CEP126: variants seen among roughly 807,000 people sequenced by gnomAD.
CEP126 encodes centrosomal protein of 126 kDa.
Under a neutral mutation model 107.8 loss-of-function variants are expected in CEP126, and 74 were observed. The observed-to-expected ratio is 0.69, with a 90% CI of 0.57 to 0.83. The LOEUF is 0.83. Among genes scored for constraint, CEP126 ranks in the 40% least tolerant of loss-of-function variants. CEP126 has a pLI of 0.00. For missense variants in CEP126, 1,237 were observed against 1,281.9 expected (o/e 0.96, Z 0.53); for synonymous variants, 449 against 446.0 (o/e 1.01, Z -0.08).
At chr11:101,946,072 A>G (rs1183699218) in intron 3 of CEP126, among the ~76,000 whole-genome samples, 2 of 152,162 alleles carry the variant, frequency 1.3e-5, no homozygotes, top group African/African-American at 4.8e-5. Context: ...AAGAGATGTT[A>G]AGCTCCTAAA....
chr11:101,955,849 G>C (rs758821327), intron 4 of CEP126: 32 of 455,976 alleles, frequency 7.0e-5, no homozygotes, highest in Middle Eastern at 6.5e-4. Flanking sequence ...CTGATCAACT[G>C]TCTCCTCCAC....
At position 101,920,153 on chromosome 11, in the gene CEP126, A is replaced by G. The variant is rs185532037; in HGVS notation, c.129-2488A>G. ...ATGAAGGTAAAATGAATTATGGCCTATGGTATAAAGATGGTTAAATAGCAA... is the reference window on the plus strand; with the variant it reads ...ATGAAGGTAAAATGAATTATGGCCTGTGGTATAAAGATGGTTAAATAGCAA... On this transcript the variant is annotated intron_variant, in intron 1 of 10. Transcript: ENST00000263468. Among the ~76,000 whole-genome samples, 5 of 152,200 alleles carry G rather than the reference A, an allele frequency of 3.3e-5. No individual in the cohort carries two copies. In the East Asian group the frequency reaches 5.8e-4, roughly 18 times the overall value.
intron 2 of CEP126, among the ~76,000 whole-genome samples, chr11:101,930,916 G>C (rs1216077197): frequency 6.6e-6 from 1 of 152,202 alleles, no homozygotes; most frequent in Admixed American, 6.5e-5. Flanking sequence ...ATGCACAGGA[G>C]TTTTAGTTGT....
At chr11:101,992,465 TTAA>T (rs1386927503) in intron 9 of CEP126, among the ~76,000 whole-genome samples, 2 of 151,966 alleles carry the variant, frequency 1.3e-5, no homozygotes, top group African/African-American at 4.8e-5. Flanking sequence ...AAGGATGAAA[TTAA>T]TATTTTTTTA....
chr11:101,951,114 G>C (rs1940806735), intron 4 of CEP126, among the ~76,000 whole-genome samples: 1 of 152,158 alleles, frequency 6.6e-6, no homozygotes, highest in Admixed American at 6.6e-5. Flanking sequence ...GAGAGGATGA[G>C]AGAGAAGAAA....
chr11:101,964,764 G>A (rs1329060906), intron 6 of CEP126, among the ~76,000 whole-genome samples: 13 of 152,098 alleles, frequency 8.5e-5, no homozygotes, highest in Admixed American at 6.5e-4. Flanking sequence ...GACTTTTCCT[G>A]TTAGTTTAAG....
At chr11:101,928,545 G>A (rs182574494) in intron 2 of CEP126, among the ~76,000 whole-genome samples, 1 of 152,136 alleles carries the variant, frequency 6.6e-6, no homozygotes, top group Non-Finnish European at 1.5e-5. Flanking sequence ...TTTCTATAAA[G>A]TATCAGATGT....
intron 4 of CEP126, among the ~76,000 whole-genome samples, chr11:101,951,102 G>C: frequency 6.6e-6 from 1 of 152,168 alleles, no homozygotes; most frequent in Admixed American, 6.6e-5. Context: ...GTTTTTAGTA[G>C]TGAGAGGATG....
intron 8 of CEP126, among the ~76,000 whole-genome samples, chr11:101,985,407 C>T (rs950087973): frequency 2.0e-5 from 3 of 151,928 alleles, no homozygotes; most frequent in African/African-American, 4.8e-5. Flanking sequence ...ATCAGCCTCC[C>T]AAGTAGCTGG....
In CEP126 at chr11:101,948,121, G is replaced by A. The variant is rs567302421; in HGVS notation, c.485G>A (p.Arg162His). The A allele has an allele frequency of 3.2e-5, 51 of 1,602,718 alleles. No individual in the cohort carries two copies. The highest frequency in any genetic ancestry group is 1.1e-4 in the African/African-American group (8 of 74,668). The change falls in exon 4 of 11, where the codon CGT (arginine) becomes CAT (histidine). Residue 162 changes from arginine to histidine, a missense_variant. Around this residue, in one of 3 missense-constraint regions of CEP126, gnomAD observed 1,134 missense variants for 1,150.5 expected, o/e 0.99. Transcript: ENST00000263468. ...LKSEVNLPFS[R>H]RPTINWRAID... is the part of the protein sequence containing the mutation. ...TCAGAAGTAAACCTTCCCTTTTCCC[G>A]TAGACCAACAATAAACTGGAGGTAA...
chr11:101,963,623 A>G lies in CEP126; in HGVS notation c.2588A>G (p.Asn863Ser). The G allele has an allele frequency of 6.2e-7, 1 of 1,614,126 alleles. No homozygotes were observed. Among genetic ancestry groups the G allele is most frequent in the East Asian group, 2.2e-5 (1 of 44,880 alleles). The part of the protein sequence containing the change: ...WNQESSSPLS[N>S]ACSDLVTVIP... ...CAGGAAAGTAGTTCTCCACTCTCAA[A>G]TGCTTGTTCTGACCTAGTCACTGTG... is the stretch of plus-strand genomic sequence containing the variant. Residue 863 changes from asparagine (N) to serine (S), a missense_variant, in exon 6 of 11, where the codon AAT becomes AGT. Asn to Ser is a conservative substitution (Grantham distance 46). This residue lies in a region of CEP126 where 1,134 missense variants were observed against 1,150.5 expected (regional missense o/e 0.99). Transcript: ENST00000263468.
chr11:101,962,605 G>C lies in CEP126; in HGVS notation c.1570G>C (p.Asp524His), dbSNP rs1294530719. 6.2e-7 allele frequency: 1 copy of C among 1,613,660 alleles called. No homozygotes were observed. Among genetic ancestry groups the C allele is most frequent in the Non-Finnish European group, 8.5e-7 (1 of 1,179,856 alleles). Reference protein sequence around the residue: ...ELPLFSDSFQDAYIPHNPDSK... With the variant: ...ELPLFSDSFQHAYIPHNPDSK... ...GCCTTTATTTTCAGACAGTTTTCAA[G>C]ATGCCTATATACCTCACAATCCTGA... The change falls in exon 6 of 11, where the codon GAT (aspartate) becomes CAT (histidine). Residue 524 changes from aspartate to histidine, a missense_variant. Physicochemically the swap from Asp to His is moderately conservative, Grantham distance 81. Coordinates refer to ENST00000263468, the MANE Select transcript of CEP126 (RefSeq NM_020802.4).
chr11:101,932,750 G>A (rs1411876313), intron 2 of CEP126, among the ~76,000 whole-genome samples: 3 of 151,946 alleles, frequency 2.0e-5, no homozygotes, highest in African/African-American at 7.3e-5. Context: ...ATTTAAAGTG[G>A]GTTTCCCTGG....
intron 10 of CEP126, 114 bp from the exon 11 acceptor site, chr11:101,997,485 G>A: frequency 3.3e-6 from 5 of 1,524,254 alleles, no homozygotes; most frequent in Non-Finnish European, 4.4e-6. Context: ...TCATTACCTG[G>A]GAGAATGATG....
intron 6 of CEP126, 31 bp from the exon 7 acceptor site, chr11:101,978,316 A>AT: frequency 6.8e-7 from 1 of 1,474,612 alleles, no homozygotes; most frequent in Non-Finnish European, 9.4e-7. Flanking sequence ...AACTAGCATA[A>AT]TTTTTAACAT....
intron 6 of CEP126, among the ~76,000 whole-genome samples, chr11:101,972,910 A>G (rs562677098): frequency 1.3e-5 from 2 of 152,366 alleles, no homozygotes; most frequent in East Asian, 3.9e-4. Flanking sequence ...ACTTCTATAA[A>G]TGGAATTATT....
chr11:101,980,839 T>A (rs1941247227), intron 7 of CEP126, among the ~76,000 whole-genome samples: 1 of 152,208 alleles, frequency 6.6e-6, no homozygotes, highest in Non-Finnish European at 1.5e-5. Context: ...GTCCAAGGTA[T>A]CTCAAGTCTA....
intron 6 of CEP126, among the ~76,000 whole-genome samples, chr11:101,972,075 T>G (rs1250697989): frequency 2.6e-5 from 4 of 151,272 alleles, no homozygotes; most frequent in Non-Finnish European, 5.9e-5. Context: ...GCCACTGCAC[T>G]CCAGCCTGGG....
chr11:101,959,607 A>G (rs568657810), intron 5 of CEP126, among the ~76,000 whole-genome samples: 1 of 152,342 alleles, frequency 6.6e-6, no homozygotes, highest in Admixed American at 6.5e-5. Flanking sequence ...GACAGAAATA[A>G]CAGAGATGAT....
Sources: gnomAD v4.1 joint callset for allele counts (sites outside exome capture counted in the v4.1 genomes callset) on GRCh38, gnomAD v4.1.1 for gene constraint, gnomAD v4.1.1 regional missense constraint, MANE v1.5 for transcripts, NCBI Gene and HGNC (gene_info 2026-07-23, HGNC 2026-07-21) for gene names.